Variants in NALCN observed in about 807,000 individuals in gnomAD.
NALCN encodes the protein sodium leak channel, non-selective.
In NALCN, 111 loss-of-function variants were observed where a neutral mutation model predicts 225.3. The ratio of observed to expected loss-of-function variants is 0.49; its 90% confidence interval spans 0.42 to 0.58. The LOEUF is 0.58. NALCN is among the 20% of genes least tolerant of loss of function. The probability of loss-of-function intolerance (pLI) is 0.00; values close to 1 mark genes in which losing one functional copy is unlikely to be tolerated. For synonymous variants in NALCN, 764 were observed against 769.0 expected (o/e 0.99, Z 0.11); for missense variants, 1,378 against 2,202.4 (o/e 0.63, Z 7.49).
At chr13:101,069,857 G>T (rs578001036) in intron 37 of NALCN, among the ~76,000 whole-genome samples, 4 of 152,218 alleles carry the variant, frequency 2.6e-5, no homozygotes, top group African/African-American at 9.6e-5. Flanking sequence ...CTTCAAGTTT[G>T]ATCAGGAGAC....
intron 9 of NALCN, among the ~76,000 whole-genome samples, chr13:101,291,516 G>A (rs1298367465): frequency 6.6e-6 from 1 of 152,058 alleles, no homozygotes; most frequent in Non-Finnish European, 1.5e-5. Context: ...TGATTGTTCT[G>A]TGTTTGGGCC....
chr13:101,279,884 A>G (rs1045123902), intron 10 of NALCN, among the ~76,000 whole-genome samples: 3 of 144,660 alleles, frequency 2.1e-5, no homozygotes, highest in African/African-American at 7.7e-5. Flanking sequence ...AATAAAAAGA[A>G]GTGGTATATG....
rs767073310 is a variant in NALCN at position 101,075,941 on chromosome 13, T to G, written c.3886A>C (p.Asn1296His). 2 of 1,605,124 alleles carry G rather than the reference T, an allele frequency of 1.2e-6. No individual in the cohort carries two copies. The highest frequency in any genetic ancestry group is 2.3e-5 in the South Asian group (2 of 88,456). The change falls in exon 35 of 44, where the codon AAT (asparagine) becomes CAT (histidine). Residue 1296 changes from asparagine to histidine, a missense_variant and splice_region_variant. Asn to His is a moderately conservative substitution (Grantham distance 68). This residue lies in a region of NALCN where 98 missense variants were observed against 156.6 expected (regional missense o/e 0.63). Transcript: ENST00000251127. The stretch of plus-strand genomic sequence containing the variant: ...GCGCCCATCATGTAAGTATATGCAT[T>G]CTGAAATTTAAACAGAAGACAGCTT... ...VWVVLHFALL[N>H]AYTYMMGACV...
chr13:101,112,219 T>G (rs180780320), intron 18 of NALCN, among the ~76,000 whole-genome samples: 1 of 150,856 alleles, frequency 6.6e-6, no homozygotes, highest in South Asian at 2.1e-4. Flanking sequence ...AAGCACACAG[T>G]TTTTGGAATT....
chr13:101,253,282 T>C (rs952850059), intron 11 of NALCN, among the ~76,000 whole-genome samples: 1 of 152,208 alleles, frequency 6.6e-6, no homozygotes, highest in African/African-American at 2.4e-5. Context: ...TCTTAATTTA[T>C]TCTTAAAGGG....
At chr13:101,387,472 A>C (rs983546154) in intron 3 of NALCN, among the ~76,000 whole-genome samples, 1 of 152,214 alleles carries the variant, frequency 6.6e-6, no homozygotes, top group Admixed American at 6.5e-5. Context: ...GTGTAACCTG[A>C]AGATTAAAAT....
At chr13:101,191,405 A>C (rs2039673680) in intron 14 of NALCN, among the ~76,000 whole-genome samples, 1 of 151,960 alleles carries the variant, frequency 6.6e-6, no homozygotes, top group Non-Finnish European at 1.5e-5. Flanking sequence ...TACTTGCAGC[A>C]ATGTGTTTTA....
chr13:101,104,420 C>A lies in NALCN; in HGVS notation c.2764G>T (p.Glu922Ter), dbSNP rs1288858780. 6.2e-7 allele frequency: 1 copy of A among 1,612,996 alleles called. No individual in the cohort carries two copies. Among genetic ancestry groups the A allele is most frequent in the Admixed American group, 1.7e-5 (1 of 59,892 alleles). Reference protein sequence around the residue: ...VMHAPTLQIAEYVFVIFMSIE... With the variant: ...VMHAPTLQIA ...CTCATGAATATCACAAACACATACT[C>A]AGCAATCTGAAACGGGCAAAAGGCA... The change falls in exon 25 of 44, where the codon GAG becomes TAG. Residue 922 changes from glutamate to a stop codon, truncating the protein, a stop_gained. Coordinates refer to ENST00000251127, the MANE Select transcript of NALCN (RefSeq NM_052867.4). LOFTEE classifies it high-confidence loss of function. The surrounding 1 kb of genome is among the most constrained non-coding windows in gnomAD (Gnocchi z 4.2).
chr13:101,279,686 G>A (rs1264646679), intron 10 of NALCN, among the ~76,000 whole-genome samples: 6 of 148,800 alleles, frequency 4.0e-5, no homozygotes, highest in Admixed American at 1.3e-4. Flanking sequence ...GCGTAGTGGC[G>A]GGCGCCTGTA....
At chr13:101,182,780 A>C (rs1208524372) in intron 14 of NALCN, among the ~76,000 whole-genome samples, 1 of 152,154 alleles carries the variant, frequency 6.6e-6, no homozygotes, top group Admixed American at 6.5e-5. Context: ...GAAACAGAAG[A>C]TTCAGGAGGT....
At chr13:101,061,225 A>T (rs1425835034) in intron 41 of NALCN, among the ~76,000 whole-genome samples, 1 of 152,226 alleles carries the variant, frequency 6.6e-6, no homozygotes, top group African/African-American at 2.4e-5. Flanking sequence ...AAACATCATT[A>T]ATCTTGAGAG....
At chr13:101,306,722 T>C (rs1408846565) in intron 7 of NALCN, among the ~76,000 whole-genome samples, 1 of 152,200 alleles carries the variant, frequency 6.6e-6, no homozygotes, top group Non-Finnish European at 1.5e-5. Context: ...TAATCCTCAC[T>C]GACACCTTAG....
At chr13:101,364,818 A>C (rs1183443928) in intron 6 of NALCN, among the ~76,000 whole-genome samples, 1 of 152,154 alleles carries the variant, frequency 6.6e-6, no homozygotes. Context: ...GCCTTACATC[A>C]ATGTATCGAA....
intron 3 of NALCN, 115 bp from the exon 4 acceptor site, chr13:101,378,768 T>A: frequency 1.3e-6 from 1 of 751,624 alleles, no homozygotes; most frequent in Non-Finnish European, 2.1e-6. Flanking sequence ...TTTTGTATCA[T>A]AATAGAACAG....
chr13:101,247,782 C>T (rs1242161874), intron 11 of NALCN, among the ~76,000 whole-genome samples: 2 of 152,096 alleles, frequency 1.3e-5, no homozygotes, highest in African/African-American at 2.4e-5. Flanking sequence ...CATGCATTAG[C>T]TATTTATCCT....
intron 17 of NALCN, among the ~76,000 whole-genome samples, chr13:101,133,192 C>T (rs771331366): frequency 1.1e-4 from 17 of 152,128 alleles, no homozygotes; most frequent in Non-Finnish European, 1.5e-4. Flanking sequence ...CATAGCTTGA[C>T]CCTAGAAACC....
intron 7 of NALCN, among the ~76,000 whole-genome samples, chr13:101,343,230 A>G (rs1415870): frequency 0.048 from 7,320 of 152,262 alleles, 228 homozygotes; most frequent in Admixed American, 0.082. Flanking sequence ...TATCAATTTC[A>G]ATCTAAATTA....
Position 101,054,326 on chromosome 13 carries a change from A to AGAGAT in NALCN, c.*964_*968dup, listed in dbSNP as rs2030939847. The AGAGAT allele has an allele frequency of 2.0e-5, 3 of 152,354 alleles. No individual in the cohort carries two copies. Among genetic ancestry groups the AGAGAT allele is most frequent in the Admixed American group, 2.0e-4 (3 of 15,304 alleles). The allele number at this position is 152,354 out of a possible 1,614,324, so 9.4% of individuals were successfully genotyped here. A position where few individuals can be genotyped will look rare whatever the true frequency, so the allele number is the denominator to read the frequency against. The stretch of plus-strand genomic sequence containing the variant: ...TATTTCCATAGAAGATTCTTTTAAC[A>AGAGAT]GAGATGTCATTTCAAATCTAACGTA... On this transcript the variant is annotated 3_prime_UTR_variant, in exon 44 of 44. Transcript: ENST00000251127.
intron 1 of NALCN, among the ~76,000 whole-genome samples, chr13:101,415,211 A>ATATATATATATATATATATATATATG: frequency 1.4e-5 from 1 of 73,224 alleles, no homozygotes; most frequent in African/African-American, 1.1e-4. Flanking sequence ...TCACACACAT[A>ATATATATATATATATATATATATATG]TATATATATA....
Sources: allele counts gnomAD v4.1 joint callset (sites outside exome capture counted in the v4.1 genomes callset), GRCh38; gene constraint gnomAD v4.1.1; regional missense constraint gnomAD v4.1.1; non-coding constraint Gnocchi (gnomAD v3.1); transcripts MANE v1.5; gene names NCBI Gene and HGNC (gene_info 2026-07-23, HGNC 2026-07-21).